Variants in MRRF observed in about 807,000 individuals in gnomAD.
MRRF encodes the protein mitochondrial ribosome recycling factor.
A neutral mutation model predicts 25.1 loss-of-function variants in MRRF; 18 were observed. That is an observed-to-expected ratio of 0.72 (90% confidence interval 0.50 to 1.06). The LOEUF is 1.06. Among genes scored for constraint, MRRF ranks in the 50% least tolerant of loss-of-function variants. MRRF has a pLI of 0.00. For synonymous variants in MRRF, 113 were observed against 112.1 expected, an observed-to-expected ratio of 1.01 and a Z score of -0.05; for missense variants, 323 against 319.3, an observed-to-expected ratio of 1.01 and a Z score of -0.09.
intron 4 of MRRF, among the ~76,000 whole-genome samples, chr9:122,289,279 A>G (rs1467074027): frequency 6.6e-6 from 1 of 152,210 alleles, no homozygotes; most frequent in Non-Finnish European, 1.5e-5. Flanking sequence ...TCTGAACCAG[A>G]TCACTAATAT....
chr9:122,318,198 C>A (rs988757576), intron 6 of MRRF, among the ~76,000 whole-genome samples: 16 of 151,878 alleles, frequency 1.1e-4, no homozygotes, highest in Admixed American at 1.0e-3. Context: ...TCATGTTTGA[C>A]CCCCAGATTT....
intron 5 of MRRF, among the ~76,000 whole-genome samples, chr9:122,295,671 C>T (rs1385297134): frequency 6.6e-6 from 1 of 152,134 alleles, no homozygotes; most frequent in Non-Finnish European, 1.5e-5. Context: ...GTCTCGAACT[C>T]TTGACCTCAA....
chr9:122,293,423 C>A (rs1002544627), intron 5 of MRRF, among the ~76,000 whole-genome samples: 6 of 152,182 alleles, frequency 3.9e-5, no homozygotes, highest in African/African-American at 1.2e-4. Flanking sequence ...ATAACAAAGC[C>A]TCATGATGTA....
rs1836193662 is a variant in MRRF, at chr9:122,328,293, A to G, written c.*5676A>G. 1 of 152,176 alleles carries G rather than the reference A, an allele frequency of 6.6e-6. No individual in the cohort carries two copies. Among genetic ancestry groups the G allele is most frequent in the African/African-American group, 2.4e-5 (1 of 41,436 alleles). The allele number at this position is 152,176 out of a possible 1,614,324, so 9.4% of individuals were successfully genotyped here. A position where few individuals can be genotyped will look rare whatever the true frequency, so the allele number is the denominator to read the frequency against. On this transcript the variant is annotated 3_prime_UTR_variant, in exon 7 of 7. Coordinates refer to ENST00000344641, the MANE Select transcript of MRRF (RefSeq NM_138777.5). Reference sequence around the variant, plus strand: ...CCAGCCTTAACCATTTTAAGTGTACAGTTCAGTAGCATTTAGTACATTTAC... The same window carrying G: ...CCAGCCTTAACCATTTTAAGTGTACGGTTCAGTAGCATTTAGTACATTTAC...
intron 6 of MRRF, among the ~76,000 whole-genome samples, chr9:122,313,860 CT>C (rs1311694171): frequency 1.3e-5 from 2 of 152,098 alleles, no homozygotes; most frequent in Admixed American, 6.5e-5. Flanking sequence ...AAGTCTTAAG[CT>C]GCTGGAGTAA....
rs1006522153 is a variant in MRRF, at chr9:122,327,201, A to G, written c.*4584A>G. 1.3e-5 allele frequency: 2 copies of G among 152,214 alleles called. No homozygotes were observed. Among genetic ancestry groups the G allele is most frequent in the African/African-American group, 4.8e-5 (2 of 41,440 alleles). 9.4% of individuals were successfully genotyped at this position (152,214 alleles called of 1,614,324 possible). ...TATTAATCCCCCACCTGTTTGGCCA[A>G]CTTCTCTAGAATATGTCAGAGAGCA... is the stretch of plus-strand genomic sequence containing the variant. On this transcript the variant is annotated 3_prime_UTR_variant, in exon 7 of 7. Transcript: ENST00000344641.
chr9:122,283,639 G>T (rs1379521470), intron 3 of MRRF, among the ~76,000 whole-genome samples: 1 of 152,192 alleles, frequency 6.6e-6, no homozygotes, highest in Non-Finnish European at 1.5e-5. Flanking sequence ...TCTCAAATCA[G>T]ATCTTTGGGC....
chr9:122,301,589 G>A (rs1008012807), intron 5 of MRRF, among the ~76,000 whole-genome samples: 1 of 152,298 alleles, frequency 6.6e-6, no homozygotes, highest in East Asian at 1.9e-4. Flanking sequence ...AGTAGACAGG[G>A]ATAACCTTCG....
chr9:122,318,619 C>G (rs1306797404), intron 6 of MRRF, among the ~76,000 whole-genome samples: 1 of 152,162 alleles, frequency 6.6e-6, no homozygotes, highest in Non-Finnish European at 1.5e-5. Context: ...CCTGCCATTC[C>G]CCTTCTCTGT....
At chr9:122,287,458 G>C (rs904515561) in intron 4 of MRRF, among the ~76,000 whole-genome samples, 2 of 152,180 alleles carry the variant, frequency 1.3e-5, no homozygotes, top group Non-Finnish European at 2.9e-5. Flanking sequence ...AACCACTGAG[G>C]CCTCTCCTCC....
At chr9:122,320,358 T>C (rs1272183815) in intron 6 of MRRF, among the ~76,000 whole-genome samples, 1 of 152,206 alleles carries the variant, frequency 6.6e-6, no homozygotes, top group African/African-American at 2.4e-5. Context: ...ACCCATGTTA[T>C]CAAATTGTTA....
chr9:122,268,236 C>T (rs944382452), intron 1 of MRRF, among the ~76,000 whole-genome samples: 3 of 152,130 alleles, frequency 2.0e-5, no homozygotes, highest in South Asian at 2.1e-4. Flanking sequence ...AGTTGTCTTC[C>T]GGTTCACGTG....
Position 122,281,688 on chromosome 9 carries a change from C to T in MRRF, c.340+1090C>T, listed in dbSNP as rs554251402. Among the ~76,000 whole-genome samples the T allele has an allele frequency of 7.2e-5, 11 of 152,300 alleles. 1 individual carries two copies. The South Asian group carries it at 2.3e-3, about 32-fold the overall frequency. On this transcript the variant is annotated intron_variant, in intron 3 of 6. Coordinates refer to ENST00000344641, the MANE Select transcript of MRRF (RefSeq NM_138777.5). The stretch of plus-strand genomic sequence containing the variant: ...TGTTTTCTGGCCTGTTAACATTCTG[C>T]AGCCGAAACCAGAGAGCAGTTTGAG...
At position 122,285,192 on chromosome 9, in the gene MRRF, G is replaced by C; in HGVS notation, c.364G>C (p.Val122Leu). 1 of 1,613,332 alleles carries C rather than the reference G, an allele frequency of 6.2e-7. No homozygotes were observed. The highest frequency in any genetic ancestry group is 1.1e-5 in the South Asian group (1 of 91,076). ...AGGATCCCTTGACAAGATTGCTGTG[G>C]TAACTGCTGACGGGAAGCTTGCTTT... ...SPGSLDKIAV[V>L]TADGKLALNQ... is the part of the protein sequence containing the mutation. Residue 122 changes from valine (V) to leucine (L), a missense_variant, in exon 4 of 7, where the codon GTA (valine) becomes CTA (leucine). Coordinates refer to ENST00000344641, the MANE Select transcript of MRRF (RefSeq NM_138777.5).
chr9:122,305,464 C>T (rs1834781079), intron 5 of MRRF, among the ~76,000 whole-genome samples: 1 of 151,358 alleles, frequency 6.6e-6, no homozygotes, highest in Non-Finnish European at 1.5e-5. Flanking sequence ...GTTGTCCAGG[C>T]TGTCCACTTT....
intron 2 of MRRF, among the ~76,000 whole-genome samples, chr9:122,274,533 GGTGTGTGTGTGTGT>G (rs765131163): frequency 3.6e-4 from 50 of 140,646 alleles, no homozygotes; most frequent in South Asian, 7.4e-4. Context: ...ATATGAATCT[GGTGTGTGTGTGTGT>G]GTGTGTGTGT....
At chr9:122,293,544 T>C (rs1367354676) in intron 5 of MRRF, among the ~76,000 whole-genome samples, 1 of 152,252 alleles carries the variant, frequency 6.6e-6, no homozygotes, top group Non-Finnish European at 1.5e-5. Flanking sequence ...TGTTCCATTG[T>C]GTTCTCAGTA....
At chr9:122,321,984 T>C (rs1488859277) in intron 6 of MRRF, among the ~76,000 whole-genome samples, 1 of 152,196 alleles carries the variant, frequency 6.6e-6, no homozygotes, top group South Asian at 2.1e-4. Flanking sequence ...GAATAAGCGA[T>C]CTAAATGCCT....
At chr9:122,311,149 A>G (rs138452585) in intron 5 of MRRF, among the ~76,000 whole-genome samples, 123 of 152,314 alleles carry the variant, frequency 8.1e-4, no homozygotes, top group Non-Finnish European at 1.4e-3. Flanking sequence ...TTGCCCAAGG[A>G]TAGTCAGCTT....
Sources: gnomAD v4.1 joint callset for allele counts (sites outside exome capture counted in the v4.1 genomes callset) on GRCh38, gnomAD v4.1.1 for gene constraint, MANE v1.5 for transcripts, NCBI Gene and HGNC (gene_info 2026-07-23, HGNC 2026-07-21) for gene names.